Variants in CACNA1E observed in about 807,000 individuals in gnomAD.
CACNA1E encodes calcium voltage-gated channel subunit alpha1 E.
In CACNA1E, 40 loss-of-function variants were observed where a neutral mutation model predicts 259.2. That is an observed-to-expected ratio of 0.15 (90% CI 0.12 to 0.20). The LOEUF (loss-of-function observed/expected upper bound fraction) is 0.20. Ranked by LOEUF, CACNA1E falls within the 10% of genes least tolerant of loss-of-function variation. The pLI is 1.00. For synonymous variants in CACNA1E, 1,104 were observed against 1,138.5 expected, an observed-to-expected ratio of 0.97 and a Z score of 0.61; for missense variants, 1,874 against 3,040.1, an observed-to-expected ratio of 0.62 and a Z score of 9.02.
intron 1 of CACNA1E, among the ~76,000 whole-genome samples, chr1:181,318,865 GGCT>G (rs1366042470): frequency 2.6e-5 from 4 of 152,194 alleles, no homozygotes; most frequent in Admixed American, 2.6e-4. Flanking sequence ...GAGGAAGCCA[GGCT>G]GCATAGGGTG....
At chr1:181,539,596 A>G (rs1337376581) in intron 3 of CACNA1E, among the ~76,000 whole-genome samples, 1 of 152,164 alleles carries the variant, frequency 6.6e-6, no homozygotes, top group Non-Finnish European at 1.5e-5. Context: ...TACCACTACT[A>G]ATGCTCTGTA....
At chr1:181,641,696 A>ATTTTTTTTTTTTTTTTTTT (rs1369217611) in intron 6 of CACNA1E, among the ~76,000 whole-genome samples, 1 of 104,084 alleles carries the variant, frequency 9.6e-6, no homozygotes, top group African/African-American at 4.0e-5. Flanking sequence ...GGCAACACTA[A>ATTTTTTTTTTTTTTTTTTT]TTTTTTGTTT....
chr1:181,487,769 C>T (rs1459187526), intron 1 of CACNA1E, among the ~76,000 whole-genome samples: 2 of 152,162 alleles, frequency 1.3e-5, no homozygotes, highest in Non-Finnish European at 2.9e-5. Context: ...TTGCAGGATG[C>T]CCCACACTTG....
At chr1:181,699,477 C>T (rs1178117472) in intron 7 of CACNA1E, among the ~76,000 whole-genome samples, 1 of 152,118 alleles carries the variant, frequency 6.6e-6, no homozygotes, top group East Asian at 1.9e-4. Context: ...CAGAGCAGAT[C>T]TATGGAGGGT....
chr1:181,526,100 GAGATTACCT>G (rs1667339716), intron 3 of CACNA1E, among the ~76,000 whole-genome samples: 1 of 152,290 alleles, frequency 6.6e-6, no homozygotes, highest in South Asian at 2.1e-4. Flanking sequence ...AAGGAGAGCA[GAGATTACCT>G]AGTTATTCAG....
chr1:181,609,020 C>A (rs979726623), intron 6 of CACNA1E, among the ~76,000 whole-genome samples: 1 of 152,164 alleles, frequency 6.6e-6, no homozygotes. Context: ...CAGAGCTGGG[C>A]CCCCAGTATC....
intron 11 of CACNA1E, among the ~76,000 whole-genome samples, chr1:181,717,529 A>T (rs1045062609): frequency 6.6e-6 from 1 of 152,166 alleles, no homozygotes; most frequent in African/African-American, 2.4e-5. Flanking sequence ...AAGATAGCAT[A>T]ACGTTATACC....
chr1:181,598,122 C>T (rs1410098678), intron 6 of CACNA1E, among the ~76,000 whole-genome samples: 1 of 152,180 alleles, frequency 6.6e-6, no homozygotes, highest in African/African-American at 2.4e-5. Context: ...CCCACTACTC[C>T]CTGTTAGAGG....
At chr1:181,520,962 C>T (rs1040694003) in intron 3 of CACNA1E, among the ~76,000 whole-genome samples, 5 of 152,210 alleles carry the variant, frequency 3.3e-5, no homozygotes, top group Admixed American at 2.0e-4. Flanking sequence ...AATGCCCTCT[C>T]TCCTCCAGGA....
chr1:181,528,193 A>G (rs934742855), intron 3 of CACNA1E, among the ~76,000 whole-genome samples: 18 of 151,980 alleles, frequency 1.2e-4, no homozygotes, highest in African/African-American at 3.9e-4. Context: ...TTCCCATGCT[A>G]TTCTCATGAT....
intron 6 of CACNA1E, among the ~76,000 whole-genome samples, chr1:181,591,386 A>G (rs926314618): frequency 6.6e-6 from 1 of 152,338 alleles, no homozygotes; most frequent in East Asian, 1.9e-4. Flanking sequence ...ACCTTTCTGT[A>G]TGATTCAAGA....
intron 1 of CACNA1E, among the ~76,000 whole-genome samples, chr1:181,384,020 A>G (rs1320219548): frequency 2.0e-5 from 3 of 152,214 alleles, no homozygotes; most frequent in African/African-American, 7.2e-5. Flanking sequence ...CTGGAAATGG[A>G]GCGAATGTGA....
chr1:181,593,122 G>C (rs921622769), intron 6 of CACNA1E, among the ~76,000 whole-genome samples: 12 of 152,166 alleles, frequency 7.9e-5, no homozygotes, highest in African/African-American at 2.9e-4. Context: ...AATTACATGA[G>C]AAAAAGTATA....
At chr1:181,392,539 C>T (rs890190626) in intron 1 of CACNA1E, among the ~76,000 whole-genome samples, 2 of 152,266 alleles carry the variant, frequency 1.3e-5, no homozygotes, top group East Asian at 1.9e-4. Context: ...TTGTATTCAC[C>T]AGAGATGTCA....
chr1:181,535,081 A>G (rs1394163954), intron 3 of CACNA1E, among the ~76,000 whole-genome samples: 1 of 152,208 alleles, frequency 6.6e-6, no homozygotes, highest in Non-Finnish European at 1.5e-5. Flanking sequence ...AAAAGAAAAT[A>G]ATTGAAGGAC....
At chr1:181,482,539 C>T (rs1387254824), upstream of CACNA1E, among the ~76,000 whole-genome samples, 1 of 152,262 alleles carries the variant, frequency 6.6e-6, no homozygotes, top group Non-Finnish European at 1.5e-5. Flanking sequence ...GAACCTCCAG[C>T]CTTCCGGCTG....
At chr1:181,664,741 A>C (rs1162465470) in intron 7 of CACNA1E, among the ~76,000 whole-genome samples, 1 of 152,088 alleles carries the variant, frequency 6.6e-6, no homozygotes. Flanking sequence ...CCTTGGCTGC[A>C]GAGGTATGGC....
intron 11 of CACNA1E, 57 bp from the exon 12 acceptor site, chr1:181,717,998 G>T: frequency 3.7e-6 from 3 of 808,894 alleles, no homozygotes; most frequent in Non-Finnish European, 6.4e-6. Context: ...TGTTAGCTGA[G>T]AAGTGCATGA....
chr1:181,755,196 T>C (rs1267807334), intron 27 of CACNA1E, 41 bp from the exon 28 acceptor site: 10 of 1,582,544 alleles, frequency 6.3e-6, no homozygotes, highest in Non-Finnish European at 7.8e-6. Flanking sequence ...ATGCAGACCA[T>C]CACAGGGTTC....
Sources: gnomAD v4.1 joint callset for allele counts (sites outside exome capture counted in the v4.1 genomes callset) on GRCh38, gnomAD v4.1.1 for gene constraint, MANE v1.5 for transcripts, NCBI Gene and HGNC (gene_info 2026-07-23, HGNC 2026-07-21) for gene names.